PIK3C2G: variants seen among roughly 807,000 people sequenced by gnomAD.
The protein encoded by PIK3C2G is phosphatidylinositol 3-kinase C2 domain-containing subunit gamma.
In PIK3C2G, 168 loss-of-function variants were observed where a neutral mutation model predicts 181.1. The ratio of observed to expected loss-of-function variants is 0.93; its 90% CI spans 0.82 to 1.05. The LOEUF (loss-of-function observed/expected upper bound fraction) is 1.05. Among genes scored for constraint, PIK3C2G ranks in the 50% least tolerant of loss-of-function variants. PIK3C2G has a pLI of 0.00. For synonymous variants in PIK3C2G, 573 were observed against 592.2 expected (o/e 0.97, Z 0.47); for missense variants, 1,869 against 1,732.8 (o/e 1.08, Z -1.40).
chr12:18,428,208 A>T (rs1216436653), intron 18 of PIK3C2G, among the ~76,000 whole-genome samples: 1 of 151,980 alleles, frequency 6.6e-6, no homozygotes, highest in Non-Finnish European at 1.5e-5. Context: ...CAAGCCAAGC[A>T]TCATATTTAG....
At chr12:18,457,423 T>C (rs762216160) in intron 18 of PIK3C2G, among the ~76,000 whole-genome samples, 10 of 152,188 alleles carry the variant, frequency 6.6e-5, no homozygotes, top group Non-Finnish European at 1.5e-4. Context: ...TATTGTCTTG[T>C]AGACAACCAA....
intron 18 of PIK3C2G, among the ~76,000 whole-genome samples, chr12:18,460,107 T>G (rs1947836790): frequency 6.6e-6 from 1 of 152,194 alleles, no homozygotes; most frequent in East Asian, 1.9e-4. Flanking sequence ...TTATACTTAT[T>G]AAGGCAGAGT....
the PIK3C2G span, among the ~76,000 whole-genome samples, chr12:18,674,093 C>T: frequency 1.1e-3 from 172 of 152,246 alleles, 1 homozygote; most frequent in African/African-American, 4.0e-3. Context: ...TCTACCACAA[C>T]TGTGAAGAAT....
intron 13 of PIK3C2G, among the ~76,000 whole-genome samples, chr12:18,374,729 CTGG>C (rs1430146853): frequency 1.3e-5 from 2 of 152,094 alleles, no homozygotes; most frequent in East Asian, 3.9e-4. Context: ...GAGGTGGGAC[CTGG>C]TGGTAGGTGT....
intron 31 of PIK3C2G, among the ~76,000 whole-genome samples, chr12:18,626,798 CT>C (rs1193641647): frequency 1.3e-5 from 2 of 151,904 alleles, no homozygotes; most frequent in African/African-American, 4.8e-5. Flanking sequence ...ATTGGGACTC[CT>C]TTTGCTGCTC....
chr12:18,543,895 A>G (rs1944294031), intron 25 of PIK3C2G, among the ~76,000 whole-genome samples: 1 of 151,908 alleles, frequency 6.6e-6, no homozygotes, highest in Non-Finnish European at 1.5e-5. Flanking sequence ...ACAATTCAAC[A>G]TTAAATACAA....
chr12:18,696,293 G>T, the PIK3C2G span: 1 of 945,342 alleles, frequency 1.1e-6, no homozygotes, highest in Non-Finnish European at 1.5e-6. Flanking sequence ...AAAACATTGT[G>T]AAAGAATTCA....
At chr12:18,599,503 T>A in intron 30 of PIK3C2G, among the ~76,000 whole-genome samples, 1 of 143,240 alleles carries the variant, frequency 7.0e-6, no homozygotes. Context: ...TGTTGTGGGG[T>A]AGGGGGAGGC....
the PIK3C2G span, chr12:18,705,395 A>G: frequency 4.6e-6 from 7 of 1,523,872 alleles, no homozygotes; most frequent in Admixed American, 1.7e-5. Flanking sequence ...TGCTTAATGT[A>G]TTTTAAAACT....
At chr12:18,392,986 TCTTA>T (rs1943629911) in intron 15 of PIK3C2G, among the ~76,000 whole-genome samples, 2 of 152,134 alleles carry the variant, frequency 1.3e-5, no homozygotes, top group Non-Finnish European at 2.9e-5. Context: ...TCTTTTTCTG[TCTTA>T]CTTGAAAATG....
intron 18 of PIK3C2G, among the ~76,000 whole-genome samples, chr12:18,443,342 A>G (rs937365292): frequency 5.3e-5 from 8 of 152,150 alleles, no homozygotes; most frequent in Admixed American, 5.2e-4. Context: ...TTATGTATAT[A>G]TAATTTTTCA....
chr12:18,277,894 GT>G (rs1278926851), intron 1 of PIK3C2G, among the ~76,000 whole-genome samples: 1 of 152,090 alleles, frequency 6.6e-6, no homozygotes, highest in African/African-American at 2.4e-5. Flanking sequence ...CCTCTTGCAA[GT>G]TTAACTGAAT....
intron 11 of PIK3C2G, among the ~76,000 whole-genome samples, chr12:18,348,138 A>G (rs913977748): frequency 1.3e-5 from 2 of 152,006 alleles, no homozygotes; most frequent in Non-Finnish European, 2.9e-5. Context: ...GGATAAATAC[A>G]GATAAAGCTA....
At chr12:18,545,712 G>C (rs1461115275) in intron 25 of PIK3C2G, among the ~76,000 whole-genome samples, 1 of 151,806 alleles carries the variant, frequency 6.6e-6, no homozygotes, top group Non-Finnish European at 1.5e-5. Context: ...TTTAAGTAGG[G>C]AAAATTGTAT....
chr12:18,303,806 T>A (rs2137316896), intron 5 of PIK3C2G, among the ~76,000 whole-genome samples: 1 of 152,318 alleles, frequency 6.6e-6, no homozygotes, highest in African/African-American at 2.4e-5. Context: ...AATACTAGTC[T>A]TTTTTAAAAA....
At chr12:18,575,070 G>T (rs945344809) in intron 29 of PIK3C2G, among the ~76,000 whole-genome samples, 1 of 152,120 alleles carries the variant, frequency 6.6e-6, no homozygotes, top group Non-Finnish European at 1.5e-5. Flanking sequence ...TGTACTTAAA[G>T]AAGAAAATCC....
chr12:18,376,756 T>C (rs962590648), intron 13 of PIK3C2G, among the ~76,000 whole-genome samples: 1 of 152,134 alleles, frequency 6.6e-6, no homozygotes, highest in African/African-American at 2.4e-5. Flanking sequence ...GTCCTTGAGA[T>C]AGTGAGTGGG....
chr12:18,631,720 A>T lies in PIK3C2G; in HGVS notation c.4183-8709A>T, dbSNP rs530037203. Among the ~76,000 whole-genome samples, 5 of 152,332 alleles carry T rather than the reference A, an allele frequency of 3.3e-5. No homozygotes were observed. In the East Asian group the frequency reaches 9.6e-4, roughly 29 times the overall value. Reference sequence around the variant, plus strand: ...AAGAAGGTGTTCGATCTTGGTACATAGTGGATTTGAAAATCAAGGATGAGG... The same window carrying T: ...AAGAAGGTGTTCGATCTTGGTACATTGTGGATTTGAAAATCAAGGATGAGG... On this transcript the variant is annotated intron_variant, in intron 31 of 32. Coordinates refer to ENST00000538779, the MANE Select transcript of PIK3C2G (RefSeq NM_001288772.2).
intron 8 of PIK3C2G, among the ~76,000 whole-genome samples, chr12:18,333,576 TG>T (rs1938203819): frequency 6.6e-6 from 1 of 152,148 alleles, no homozygotes; most frequent in South Asian, 2.1e-4. Flanking sequence ...TAACTAAGAA[TG>T]ATGGTTTCCA....
Sources: gnomAD v4.1 joint callset for allele counts (sites outside exome capture counted in the v4.1 genomes callset) on GRCh38, gnomAD v4.1.1 for gene constraint, MANE v1.5 for transcripts, NCBI Gene and HGNC (gene_info 2026-07-23, HGNC 2026-07-21) for gene names.